The following SOBP variants were observed in gnomAD, a reference collection of about 807,000 sequenced individuals.
SOBP encodes the protein sine oculis binding protein homolog.
Under a neutral mutation model 53.6 loss-of-function variants are expected in SOBP, and 4 were observed. That is an observed-to-expected ratio of 0.07 (90% CI 0.04 to 0.17). SOBP has a LOEUF of 0.17. Among genes scored for constraint, SOBP ranks in the 10% least tolerant of loss-of-function variants. The pLI is 1.00. For synonymous variants in SOBP, 584 were observed against 522.6 expected (o/e 1.12, Z -1.60); for missense variants, 1,088 against 1,204.7 (o/e 0.90, Z 1.43).
chr6:107,494,689 A>G (rs1782656248), intron 1 of SOBP, among the ~76,000 whole-genome samples: 2 of 152,254 alleles, frequency 1.3e-5, no homozygotes. Context: ...AATCTGTGTT[A>G]AATGTCAGAG....
At chr6:107,614,751 C>T (rs1208180220) in intron 5 of SOBP, among the ~76,000 whole-genome samples, 1 of 152,138 alleles carries the variant, frequency 6.6e-6, no homozygotes, top group Non-Finnish European at 1.5e-5. Flanking sequence ...GTGTTATGAC[C>T]CTGAGGTTTC....
chr6:107,625,231 A>G (rs1183883734), intron 5 of SOBP, among the ~76,000 whole-genome samples: 1 of 152,230 alleles, frequency 6.6e-6, no homozygotes, highest in Non-Finnish European at 1.5e-5. Flanking sequence ...AATAAAAGCC[A>G]TGACTTTCAT....
chr6:107,622,275 A>C (rs1012877042), intron 5 of SOBP, among the ~76,000 whole-genome samples: 16 of 152,326 alleles, frequency 1.1e-4, no homozygotes, highest in Middle Eastern at 6.8e-3. Context: ...TTCTGAGCCA[A>C]ATGGAATCAA....
intron 4 of SOBP, among the ~76,000 whole-genome samples, chr6:107,569,637 G>A (rs1346587829): frequency 6.6e-6 from 1 of 152,214 alleles, no homozygotes; most frequent in Non-Finnish European, 1.5e-5. Context: ...TTCCCAATTT[G>A]CAAGCGTTTG....
intron 3 of SOBP, among the ~76,000 whole-genome samples, chr6:107,506,926 G>A (rs1036664639): frequency 4.0e-5 from 6 of 151,892 alleles, no homozygotes; most frequent in Admixed American, 1.3e-4. Flanking sequence ...GTGTGGTGGC[G>A]GGCTAGTAAT....
At chr6:107,614,426 A>G (rs1437264970) in intron 5 of SOBP, among the ~76,000 whole-genome samples, 2 of 152,184 alleles carry the variant, frequency 1.3e-5, no homozygotes, top group Non-Finnish European at 2.9e-5. Flanking sequence ...CCTTGGGACA[A>G]AAAGGCCAGG....
At chr6:107,603,858 G>A (rs772034446) in intron 5 of SOBP, among the ~76,000 whole-genome samples, 2 of 152,138 alleles carry the variant, frequency 1.3e-5, no homozygotes, top group Non-Finnish European at 2.9e-5. Flanking sequence ...AAACGAAGGG[G>A]AAGGAAATAA....
chr6:107,647,618 T>C (rs1029761662), intron 6 of SOBP, among the ~76,000 whole-genome samples: 1 of 152,100 alleles, frequency 6.6e-6, no homozygotes, highest in African/African-American at 2.4e-5. Flanking sequence ...ATTCCAGAAA[T>C]TCTCATAAAA....
chr6:107,536,318 C>T (rs1290158217), intron 4 of SOBP, among the ~76,000 whole-genome samples: 2 of 152,174 alleles, frequency 1.3e-5, no homozygotes, highest in East Asian at 1.9e-4. Flanking sequence ...ATTCAGCTGA[C>T]CTCTGTTTTG....
chr6:107,529,222 CAGAAGTTATAAAGAAAGCA>C (rs1783751141), intron 3 of SOBP, among the ~76,000 whole-genome samples: 1 of 152,186 alleles, frequency 6.6e-6, no homozygotes. Flanking sequence ...TTCTTTTTTG[CAGAAGTTATAAAGAAAGCA>C]AACTTCAGTT....
rs777514301 is a variant in SOBP, at chr6:107,635,180, A to G, written c.2336A>G (p.Asn779Ser). 4 of 1,613,682 alleles carry G rather than the reference A, an allele frequency of 2.5e-6. No individual in the cohort carries two copies. The highest frequency in any genetic ancestry group is 2.7e-5 in the African/African-American group (2 of 74,884). Reference sequence around the variant, plus strand: ...GTCAAGGAGAATAACTGTGCTTCCAACTGCCACCTGGACGGGGAGGCGGCC... The same window carrying G: ...GTCAAGGAGAATAACTGTGCTTCCAGCTGCCACCTGGACGGGGAGGCGGCC... ...ESVKENNCAS[N>S]CHLDGEAAKK... Residue 779 changes from asparagine to serine, a missense_variant, in exon 6 of 7, where the codon AAC (asparagine) becomes AGC (serine). Physicochemically the swap from Asn to Ser is conservative, Grantham distance 46 (BLOSUM62 1). Coordinates refer to ENST00000317357, the MANE Select transcript of SOBP (RefSeq NM_018013.4). The surrounding 1 kb of genome is among the most constrained non-coding windows in gnomAD (Gnocchi z 4.5).
At chr6:107,609,220 T>C (rs578262667) in intron 5 of SOBP, among the ~76,000 whole-genome samples, 2 of 152,238 alleles carry the variant, frequency 1.3e-5, no homozygotes, top group Non-Finnish European at 2.9e-5. Flanking sequence ...TATATAATTA[T>C]AAATTCTCAC....
chr6:107,506,380 C>A lies in SOBP; in HGVS notation c.374C>A (p.Pro125His). 1 of 1,614,142 alleles carries A rather than the reference C, an allele frequency of 6.2e-7. No individual in the cohort carries two copies. Among genetic ancestry groups the A allele is most frequent in the Admixed American group, 1.7e-5 (1 of 60,020 alleles). The change falls in exon 3 of 7, where the codon CCC (proline) becomes CAC (histidine). Residue 125 changes from proline (P) to histidine (H), a missense_variant. Physicochemically the swap from Pro to His is moderately conservative, Grantham distance 77. Transcript: ENST00000317357. ...GGGTCAAAGGATCATGGCAGTGTGC[C>A]CATTATTGTACCTTTAATTCCACCA... The part of the protein sequence containing the change: ...PAGSKDHGSV[P>H]IIVPLIPPPF...
intron 4 of SOBP, among the ~76,000 whole-genome samples, chr6:107,562,842 A>G (rs1415127176): frequency 1.3e-5 from 2 of 152,224 alleles, no homozygotes; most frequent in African/African-American, 4.8e-5. Context: ...AAATGGCATG[A>G]TGTCTCAGAA....
intron 3 of SOBP, among the ~76,000 whole-genome samples, 180 bp from the exon 4 acceptor site, chr6:107,533,271 CAAAAAAAA>C (rs762864049): frequency 7.0e-4 from 23 of 32,830 alleles, no homozygotes; most frequent in South Asian, 4.0e-3. Context: ...ACTTAGGAGC[CAAAAAAAA>C]AAAAAAAAAA....
chr6:107,538,957 G>A (rs572428488), intron 4 of SOBP, among the ~76,000 whole-genome samples: 2 of 152,138 alleles, frequency 1.3e-5, no homozygotes, highest in African/African-American at 4.8e-5. Context: ...CGTTTAAAGT[G>A]ACACACAGGC....
chr6:107,603,388 G>T (rs765108746), intron 5 of SOBP, among the ~76,000 whole-genome samples: 1 of 152,192 alleles, frequency 6.6e-6, no homozygotes, highest in East Asian at 1.9e-4. Context: ...TGCCCAAGGG[G>T]CTGTCTTCCT....
intron 6 of SOBP, among the ~76,000 whole-genome samples, chr6:107,656,255 T>C (rs1447735894): frequency 6.7e-6 from 1 of 149,874 alleles, no homozygotes; most frequent in South Asian, 2.1e-4. Flanking sequence ...GTATCCCCTC[T>C]CTCCATTGTC....
intron 3 of SOBP, among the ~76,000 whole-genome samples, chr6:107,521,129 C>T (rs568159976): frequency 1.3e-5 from 2 of 148,410 alleles, no homozygotes; most frequent in Non-Finnish European, 3.0e-5. Flanking sequence ...CCAAGTCACA[C>T]CCTGATAAGA....
Sources: gnomAD v4.1 joint callset for allele counts (sites outside exome capture counted in the v4.1 genomes callset) on GRCh38, gnomAD v4.1.1 for gene constraint, Gnocchi (gnomAD v3.1) non-coding constraint, MANE v1.5 for transcripts, NCBI Gene and HGNC (gene_info 2026-07-23, HGNC 2026-07-21) for gene names.